The following SCAF11 variants were observed in gnomAD, a reference collection of about 807,000 sequenced individuals.
The protein encoded by SCAF11 is SR-related CTD associated factor 11, also known as protein SCAF11.
SCAF11 carries 47 observed loss-of-function variants against 140.5 expected under a neutral mutation model. The observed-to-expected ratio is 0.33, with a 90% CI of 0.26 to 0.43. The LOEUF (loss-of-function observed/expected upper bound fraction) is 0.43, where lower values mean the gene tolerates loss of function less well. Among genes scored for constraint, SCAF11 ranks in the 20% least tolerant of loss-of-function variants. SCAF11 has a pLI of 1.00. For synonymous variants in SCAF11, 557 were observed against 579.4 expected, an observed-to-expected ratio of 0.96 and a Z score of 0.55; for missense variants, 1,645 against 1,705.1, an observed-to-expected ratio of 0.96 and a Z score of 0.62.
rs1944913506 is a variant in SCAF11, at chr12:45,927,554, A to G, written c.2147T>C (p.Met716Thr). Residue 716 changes from methionine (M) to threonine (T), a missense_variant, in exon 11 of 15, where the codon ATG (methionine) becomes ACG (threonine). Transcript: ENST00000369367. ...QKHFSEDNNE[M>T]IPMECDSFCS... ...AAATGAATCACACTCCATAGGTATC[A>G]TTTCATTGTTGTCCTCACTAAAATG... The G allele has an allele frequency of 6.2e-7, 1 of 1,613,074 alleles. No homozygotes were observed. The highest frequency in any genetic ancestry group is 2.2e-5 in the East Asian group (1 of 44,882).
Position 45,928,267 on chromosome 12 carries a change from A to G in SCAF11, c.1434T>C (p.Cys478=), listed in dbSNP as rs775155934. Residue 478 remains cysteine (C), a synonymous_variant, in exon 11 of 15, where the codon TGT becomes TGC. Coordinates refer to ENST00000369367, the MANE Select transcript of SCAF11 (RefSeq NM_004719.3). ...ERVGSSSSES[C]AQDLPVLVGE... ...CAACTAGCACAGGAAGATCTTGAGC[A>G]CAAGACTCAGAAGATGAAGATCCTA... The G allele has an allele frequency of 5.3e-5, 85 of 1,613,880 alleles. No individual in the cohort carries two copies. Among genetic ancestry groups the G allele is most frequent in the Non-Finnish European group, 6.9e-5 (82 of 1,179,996 alleles).
intron 4 of SCAF11, among the ~76,000 whole-genome samples, chr12:45,950,137 C>G (rs1249304917): frequency 1.3e-5 from 2 of 152,042 alleles, no homozygotes; most frequent in Non-Finnish European, 2.9e-5. Context: ...AGAAAACAAA[C>G]CATGGAATGT....
intron 1 of SCAF11, among the ~76,000 whole-genome samples, chr12:45,973,623 G>T (rs1299926063): frequency 6.6e-6 from 1 of 152,110 alleles, no homozygotes; most frequent in Non-Finnish European, 1.5e-5. Context: ...GAGGGGGAGG[G>T]AGTTTAATGA....
chr12:45,938,031 G>C (rs1225109541), intron 6 of SCAF11, among the ~76,000 whole-genome samples: 1 of 152,154 alleles, frequency 6.6e-6, no homozygotes, highest in Non-Finnish European at 1.5e-5. Flanking sequence ...ACTGTCTTGA[G>C]ATTCTTAACT....
intron 3 of SCAF11, chr12:45,956,323 T>C (rs1338602108): frequency 3.3e-6 from 2 of 599,498 alleles, no homozygotes; most frequent in Admixed American, 6.2e-5. Context: ...ATAGAGCATG[T>C]TATACAAAAT....
At chr12:45,969,080 T>C (rs569453110) in intron 1 of SCAF11, among the ~76,000 whole-genome samples, 1 of 152,334 alleles carries the variant, frequency 6.6e-6, no homozygotes, top group South Asian at 2.1e-4. Flanking sequence ...TGTGAAGTTT[T>C]AGTTAATTTA....
At chr12:45,972,945 T>A (rs28856410) in intron 1 of SCAF11, among the ~76,000 whole-genome samples, 7 of 99,214 alleles carry the variant, frequency 7.1e-5, no homozygotes, top group African/African-American at 3.5e-4. Context: ...TATAGATATA[T>A]ATATAGATAT....
At chr12:45,938,840 AAAG>A (rs1945231060) in intron 6 of SCAF11, among the ~76,000 whole-genome samples, 1 of 149,832 alleles carries the variant, frequency 6.7e-6, no homozygotes, top group South Asian at 2.2e-4. Context: ...GTATGTACTT[AAAG>A]AAGTACTACA....
rs1303755218 is a variant in SCAF11 at position 45,927,371 on chromosome 12, G to C, written c.2330C>G (p.Pro777Arg). ...TTTGGTTTTATCTATGGTATCTTTT[G>C]GGCTTTCAGATGGTTGAGAAACAGT... Reference protein sequence around the residue: ...VETVSQPSESPKDTIDKTKKP... With the variant: ...VETVSQPSESRKDTIDKTKKP... The change falls in exon 11 of 15, where the codon CCA (proline) becomes CGA (arginine). Residue 777 changes from proline to arginine, a missense_variant. Pro to Arg is a moderately radical substitution (Grantham distance 103, BLOSUM62 -2). Around this residue, in one of 2 missense-constraint regions of SCAF11, gnomAD observed 1,582 missense variants for 1,609.2 expected, o/e 0.98. Transcript: ENST00000369367. 5 of 1,609,934 alleles carry C rather than the reference G, an allele frequency of 3.1e-6. No homozygotes were observed. The African/African-American group carries it at 6.7e-5, about 22-fold the overall frequency.
At chr12:45,964,220 G>T in intron 1 of SCAF11, 32 bp from the exon 2 acceptor site, 2 of 989,772 alleles carry the variant, frequency 2.0e-6, no homozygotes, top group Non-Finnish European at 1.5e-6. Flanking sequence ...AGAATTTTAT[G>T]TTTGCCTTCT....
At position 45,948,452 on chromosome 12, in the gene SCAF11, G is replaced by A; in HGVS notation, c.383C>T (p.Ser128Phe). ...AATCACTAACCTTATACAGCTTTTA[G>A]AATTTTCATGACAGGAGACCTGTTT... ...FEKQVSCHEN[S>F]KSCIRRKAIV... is the part of the protein sequence containing the mutation. Residue 128 changes from serine (S) to phenylalanine (F), a missense_variant, in exon 5 of 15, where the codon TCT becomes TTT. This residue lies in a region of SCAF11 where 1,582 missense variants were observed against 1,609.2 expected (regional missense o/e 0.98). Coordinates refer to ENST00000369367, the MANE Select transcript of SCAF11 (RefSeq NM_004719.3). 5 of 1,607,572 alleles carry A rather than the reference G, an allele frequency of 3.1e-6. No individual in the cohort carries two copies. Among genetic ancestry groups the A allele is most frequent in the Non-Finnish European group, 4.3e-6 (5 of 1,175,924 alleles).
intron 1 of SCAF11, among the ~76,000 whole-genome samples, chr12:45,964,990 TGAG>T (rs1262911729): frequency 6.6e-6 from 1 of 152,020 alleles, no homozygotes; most frequent in East Asian, 1.9e-4. Flanking sequence ...GTGTCTCTAC[TGAG>T]GAGGGGGTTG....
At chr12:45,961,901 C>G (rs1021039168) in intron 2 of SCAF11, 44 bp from the exon 3 acceptor site, 1 of 1,522,388 alleles carries the variant, frequency 6.6e-7, no homozygotes, top group African/African-American at 1.4e-5. Context: ...GTTCTCCAGA[C>G]CAAAAATCTT....
At position 45,924,715 on chromosome 12, in the gene SCAF11, G is replaced by A. The variant is rs778904942; in HGVS notation, c.3906+13C>T. 2.5e-6 allele frequency: 4 copies of A among 1,588,086 alleles called. No homozygotes were observed. In the Admixed American group the frequency reaches 5.1e-5, roughly 20 times the overall value. On this transcript the variant is annotated intron_variant, in intron 12 of 14. Transcript: ENST00000369367. ...TGGCTATATTGATTAAACTTGAGTT[G>A]CTAAAAACATACCTGCAATTGCTTT...
intron 3 of SCAF11, chr12:45,961,249 C>T: frequency 1.4e-6 from 1 of 699,704 alleles, no homozygotes; most frequent in Non-Finnish European, 2.7e-6. Flanking sequence ...AATGGAAGGA[C>T]ACTATCGTAT....
chr12:45,954,733 CTTTTTTTTTTTT>C (rs759746881), intron 3 of SCAF11: 1 of 93,912 alleles, frequency 1.1e-5, no homozygotes, highest in South Asian at 3.8e-4. Context: ...CCGTGCCTAG[CTTTTTTTTTTTT>C]TTTTTTTTTT....
chr12:45,922,443 C>T lies in SCAF11; in HGVS notation c.4245+20G>A. ...TGGTTCAAAACAACGTGCACATACT[C>T]CACTAAAGCCATAACTTACTTTATC... is the stretch of plus-strand genomic sequence containing the variant. On this transcript the variant is annotated intron_variant, in intron 14 of 14. Coordinates refer to ENST00000369367, the MANE Select transcript of SCAF11 (RefSeq NM_004719.3). The T allele has an allele frequency of 6.3e-7, 1 of 1,597,024 alleles. No homozygotes were observed. Among genetic ancestry groups the T allele is most frequent in the Non-Finnish European group, 8.5e-7 (1 of 1,176,908 alleles).
At chr12:45,961,222 A>C (rs931876684) in intron 3 of SCAF11, 4 of 675,660 alleles carry the variant, frequency 5.9e-6, no homozygotes, top group African/African-American at 1.8e-5. Flanking sequence ...ATAAAATCCA[A>C]GTTTCCTCAT....
In SCAF11 at chr12:45,922,042, C is replaced by T. The variant is rs747503732; in HGVS notation, c.*6G>A. 2 of 1,607,120 alleles carry T rather than the reference C, an allele frequency of 1.2e-6. No homozygotes were observed. The highest frequency in any genetic ancestry group is 1.7e-6 in the Non-Finnish European group (2 of 1,178,194). The stretch of plus-strand genomic sequence containing the variant: ...CCTGATAATGTCCTTGACAGCGTTC[C>T]CCATTTCAGCCTATGTTTTTTTCAG... On this transcript the variant is annotated 3_prime_UTR_variant, in exon 15 of 15. Transcript: ENST00000369367.
Sources: gnomAD v4.1 joint callset for allele counts (sites outside exome capture counted in the v4.1 genomes callset) on GRCh38, gnomAD v4.1.1 for gene constraint, gnomAD v4.1.1 regional missense constraint, MANE v1.5 for transcripts, NCBI Gene and HGNC (gene_info 2026-07-23, HGNC 2026-07-21) for gene names.